The following CNGA3 variants were observed in gnomAD, a reference collection of about 807,000 sequenced individuals.
CNGA3 encodes the protein cyclic nucleotide gated channel subunit alpha 3.
In CNGA3, 42 loss-of-function variants were observed where a neutral mutation model predicts 46.6. The ratio of observed to expected loss-of-function variants is 0.90; its 90% confidence interval spans 0.70 to 1.17. The LOEUF (loss-of-function observed/expected upper bound fraction) is 1.17, where lower values mean the gene tolerates loss of function less well. Among genes scored for constraint, CNGA3 ranks in the 50% most tolerant of loss-of-function variants. The pLI, the probability that CNGA3 is intolerant of heterozygous loss-of-function variation, is 0.00. For missense variants in CNGA3, 893 were observed against 890.7 expected (o/e 1.00, Z -0.03); for synonymous variants, 394 against 369.4 (o/e 1.07, Z -0.76).
rs73961217 is a variant in CNGA3 at position 98,347,955 on chromosome 2, G to C, written c.-38+1421G>C. On this transcript the variant is annotated intron_variant, in intron 1 of 7. Coordinates refer to ENST00000272602, the MANE Select transcript of CNGA3 (RefSeq NM_001298.3). ...TGCGTTCACGCTGAGAATTCATGGG[G>C]GACGCGGGTGGTTGGGCCGGGAGAG... 6.2e-3 allele frequency among the ~76,000 whole-genome samples: 947 copies of C among 152,322 alleles called. 7 individuals carry two copies. Among genetic ancestry groups the C allele is most frequent in the African/African-American group, 0.022 (907 of 41,572 alleles).
At chr2:98,366,281 G>A (rs953755669) in intron 1 of CNGA3, among the ~76,000 whole-genome samples, 2 of 152,166 alleles carry the variant, frequency 1.3e-5, no homozygotes, top group Non-Finnish European at 2.9e-5. Context: ...TCATCCGGGA[G>A]ATCCGTCTCA....
At chr2:98,371,632 T>C (rs2104179941) in intron 2 of CNGA3, among the ~76,000 whole-genome samples, 1 of 152,292 alleles carries the variant, frequency 6.6e-6, no homozygotes, top group African/African-American at 2.4e-5. Flanking sequence ...GAAAGTTCCA[T>C]CCTACTCAAA....
In CNGA3 at chr2:98,380,208, G is replaced by C. The variant is rs1692505653; in HGVS notation, c.249G>C (p.Trp83Cys). 1 of 1,614,074 alleles carries C rather than the reference G, an allele frequency of 6.2e-7. No individual in the cohort carries two copies. Among genetic ancestry groups the C allele is most frequent in the South Asian group, 1.1e-5 (1 of 91,096 alleles). The change falls in exon 4 of 8, where the codon TGG (tryptophan) becomes TGC (cysteine). Residue 83 changes from tryptophan to cysteine, a missense_variant. Trp to Cys is a radical substitution (Grantham distance 215, BLOSUM62 -2). Coordinates refer to ENST00000272602, the MANE Select transcript of CNGA3 (RefSeq NM_001298.3). ...LSRLIFLLRR[W>C]AARHVHHQDQ... ...GCCTCATCTTCTTGCTGCGCAGGTG[G>C]GCTGCCAGGCATGTGCACCACCAGG...
intron 7 of CNGA3, among the ~76,000 whole-genome samples, chr2:98,393,313 G>A (rs1692834246): frequency 1.3e-5 from 2 of 152,196 alleles, no homozygotes; most frequent in South Asian, 4.1e-4. Flanking sequence ...CCTCCGTGTG[G>A]CTCCACGTAC....
chr2:98,358,415 C>A (rs1691940351), intron 1 of CNGA3, among the ~76,000 whole-genome samples: 1 of 151,958 alleles, frequency 6.6e-6, no homozygotes, highest in African/African-American at 2.4e-5. Context: ...CTAATGTCCC[C>A]CAGAGAAATA....
chr2:98,346,827 A>T (rs1691637094), intron 1 of CNGA3, among the ~76,000 whole-genome samples: 1 of 151,952 alleles, frequency 6.6e-6, no homozygotes, highest in Admixed American at 6.5e-5. Flanking sequence ...CCCCAAGCCG[A>T]TCGCACCCCC....
chr2:98,368,623 G>C (rs1692216744), intron 1 of CNGA3, among the ~76,000 whole-genome samples: 1 of 152,220 alleles, frequency 6.6e-6, no homozygotes, highest in African/African-American at 2.4e-5. Context: ...TGCCTAGACA[G>C]AGCCAACTTA....
Position 98,396,666 on chromosome 2 carries a change from G to A in CNGA3, c.1496G>A (p.Arg499Gln), listed in dbSNP as rs374938560. The A allele has an allele frequency of 3.5e-5, 57 of 1,613,998 alleles. 1 individual carries two copies. Among genetic ancestry groups the A allele is most frequent in the East Asian group, 1.1e-4 (5 of 44,892 alleles). The part of the protein sequence containing the change: ...GLLVELVLKL[R>Q]PTVFSPGDYI... ...CTGGTGGAGCTGGTGCTGAAGCTGC[G>A]ACCCACTGTGTTCAGCCCTGGGGAT... The change falls in exon 8 of 8, where the codon CGA (arginine) becomes CAA (glutamine). Residue 499 changes from arginine (R) to glutamine (Q), a missense_variant. Physicochemically the swap from Arg to Gln is conservative, Grantham distance 43 (BLOSUM62 1). This residue lies in a region of CNGA3 where 548 missense variants were observed against 570.8 expected (regional missense o/e 0.96). Coordinates refer to ENST00000272602, the MANE Select transcript of CNGA3 (RefSeq NM_001298.3).
chr2:98,369,604 C>G (rs1020208794), intron 1 of CNGA3, among the ~76,000 whole-genome samples: 1 of 152,244 alleles, frequency 6.6e-6, no homozygotes, highest in Non-Finnish European at 1.5e-5. Flanking sequence ...ACTGCATCAT[C>G]TCAAAGAATC....
chr2:98,360,072 T>C (rs142854730), intron 1 of CNGA3, among the ~76,000 whole-genome samples: 228 of 152,346 alleles, frequency 1.5e-3, no homozygotes, highest in Non-Finnish European at 2.7e-3. Flanking sequence ...GCAATACCAG[T>C]TCCCTCAATG....
chr2:98,369,693 C>G (rs1692241294), intron 1 of CNGA3, among the ~76,000 whole-genome samples: 1 of 152,220 alleles, frequency 6.6e-6, no homozygotes, highest in Non-Finnish European at 1.5e-5. Flanking sequence ...CAGTACTTAA[C>G]TCTGAGCATC....
At chr2:98,385,831 C>T (rs1212617517) in intron 5 of CNGA3, among the ~76,000 whole-genome samples, 1 of 152,048 alleles carries the variant, frequency 6.6e-6, no homozygotes, top group Non-Finnish European at 1.5e-5. Flanking sequence ...AAAGGGGGAG[C>T]AAGGAGTCTC....
chr2:98,351,729 A>T (rs186340989), intron 1 of CNGA3, among the ~76,000 whole-genome samples: 26 of 152,278 alleles, frequency 1.7e-4, no homozygotes, highest in Admixed American at 1.4e-3. Context: ...TGTGATGGTC[A>T]TTATTATTAA....
In CNGA3 at chr2:98,396,933, T is replaced by C. The variant is rs1325838790; in HGVS notation, c.1763T>C (p.Leu588Pro). 7.4e-6 allele frequency: 12 copies of C among 1,614,040 alleles called. No individual in the cohort carries two copies. Among genetic ancestry groups the C allele is most frequent in the Non-Finnish European group, 8.5e-6 (10 of 1,180,026 alleles). ...TCAAAGGACGATCTCATGGAGGCCC[T>C]CACCGAGTACCCCGAAGCCAAGAAG... Reference protein sequence around the residue: ...CLSKDDLMEALTEYPEAKKAL... With the variant: ...CLSKDDLMEAPTEYPEAKKAL... The change falls in exon 8 of 8, where the codon CTC (leucine) becomes CCC (proline). Residue 588 changes from leucine (L) to proline (P), a missense_variant. Physicochemically the swap from Leu to Pro is moderately conservative, Grantham distance 98. Coordinates refer to ENST00000272602, the MANE Select transcript of CNGA3 (RefSeq NM_001298.3).
chr2:98,359,121 G>A (rs562504705), intron 1 of CNGA3, among the ~76,000 whole-genome samples: 17 of 152,288 alleles, frequency 1.1e-4, no homozygotes, highest in South Asian at 6.2e-4. Context: ...CAAACTGATC[G>A]CCACTCTGGG....
At chr2:98,349,863 A>G (rs116180092) in intron 1 of CNGA3, among the ~76,000 whole-genome samples, 1 of 152,168 alleles carries the variant, frequency 6.6e-6, no homozygotes, top group Admixed American at 6.5e-5. Context: ...GAAAGCTCAC[A>G]CAGTCTTAGC....
At chr2:98,352,854 T>G (rs1173060191) in intron 1 of CNGA3, among the ~76,000 whole-genome samples, 2 of 152,204 alleles carry the variant, frequency 1.3e-5, no homozygotes, top group Non-Finnish European at 2.9e-5. Context: ...AGACAGCAGC[T>G]CATGGGCTTC....
chr2:98,349,742 G>T (rs1210488268), intron 1 of CNGA3, among the ~76,000 whole-genome samples: 1 of 152,168 alleles, frequency 6.6e-6, no homozygotes, highest in African/African-American at 2.4e-5. Context: ...CAGGGTGAGT[G>T]CTCAGTACAT....
intron 4 of CNGA3, 110 bp from the exon 5 acceptor site, chr2:98,383,278 A>C (rs1390462044): frequency 9.7e-7 from 1 of 1,029,092 alleles, no homozygotes; most frequent in African/African-American, 1.6e-5. Context: ...CAAAGGCTGG[A>C]AGCAGTGGGA....
Sources: gnomAD v4.1 joint callset for allele counts (sites outside exome capture counted in the v4.1 genomes callset) on GRCh38, gnomAD v4.1.1 for gene constraint, gnomAD v4.1.1 regional missense constraint, MANE v1.5 for transcripts, NCBI Gene and HGNC (gene_info 2026-07-23, HGNC 2026-07-21) for gene names.